INPP5F: variants seen among roughly 807,000 people sequenced by gnomAD.
INPP5F encodes the protein inositol polyphosphate-5-phosphatase F, also known as phosphatidylinositide 4-phosphatase SAC2.
In INPP5F, 97 loss-of-function variants were observed where a neutral mutation model predicts 137.2. That is an observed-to-expected ratio of 0.71 (90% CI 0.60 to 0.84). The LOEUF (loss-of-function observed/expected upper bound fraction) is 0.84. Among genes scored for constraint, INPP5F ranks in the 40% least tolerant of loss-of-function variants. The pLI, the probability that INPP5F is intolerant of heterozygous loss-of-function variation, is 0.00. For missense variants in INPP5F, 1,271 were observed against 1,371.9 expected, an observed-to-expected ratio of 0.93 and a Z score of 1.16; for synonymous variants, 504 against 476.9, an observed-to-expected ratio of 1.06 and a Z score of -0.74.
At chr10:119,778,549 G>C (rs190392103) in intron 2 of INPP5F, among the ~76,000 whole-genome samples, 1 of 152,010 alleles carries the variant, frequency 6.6e-6, no homozygotes, top group African/African-American at 2.4e-5. Context: ...CTGGGTGTTT[G>C]CTTCTTTCTG....
intron 18 of INPP5F, among the ~76,000 whole-genome samples, 163 bp from the exon 19 acceptor site, chr10:119,823,652 G>A (rs76218779): frequency 1.3e-5 from 2 of 152,306 alleles, no homozygotes; most frequent in East Asian, 3.9e-4. Context: ...GAATTAAGTG[G>A]GGGAGACTAG....
intron 2 of INPP5F, among the ~76,000 whole-genome samples, chr10:119,772,935 A>G (rs1037923152): frequency 6.6e-6 from 1 of 151,866 alleles, no homozygotes; most frequent in Non-Finnish European, 1.5e-5. Context: ...TTTTTAATAG[A>G]GATGGGGTTT....
chr10:119,755,471 G>A (rs1407964433), intron 2 of INPP5F, among the ~76,000 whole-genome samples: 2 of 152,100 alleles, frequency 1.3e-5, no homozygotes, highest in Non-Finnish European at 1.5e-5. Flanking sequence ...TACCCCCTTC[G>A]AAGACCCTGT....
intron 2 of INPP5F, among the ~76,000 whole-genome samples, chr10:119,774,261 C>CAAAAA (rs572329987): frequency 1.2e-5 from 1 of 82,136 alleles, no homozygotes; most frequent in Non-Finnish European, 2.4e-5. Flanking sequence ...ACTCAGTCTC[C>CAAAAA]AAAAAAAAAA....
intron 2 of INPP5F, among the ~76,000 whole-genome samples, chr10:119,753,588 GTCC>G (rs1400147633): frequency 6.6e-6 from 1 of 152,080 alleles, no homozygotes; most frequent in Non-Finnish European, 1.5e-5. Flanking sequence ...CCTGTCTTGA[GTCC>G]TCCTCTCTCT....
chr10:119,793,274 T>C (rs1165852816), intron 6 of INPP5F, among the ~76,000 whole-genome samples: 2 of 152,230 alleles, frequency 1.3e-5, no homozygotes, highest in Non-Finnish European at 2.9e-5. Context: ...TCAAGAGTTT[T>C]GCATTTATTG....
Position 119,791,657 on chromosome 10 carries a change from A to G in INPP5F, c.444+12A>G. ...CTAATAAAAAGAAAGTAAGAGTTTAATTGATATAGGCTTTGAATTCACCTT... is the reference window on the plus strand; with the variant it reads ...CTAATAAAAAGAAAGTAAGAGTTTAGTTGATATAGGCTTTGAATTCACCTT... On this transcript the variant is annotated intron_variant, in intron 4 of 19. Coordinates refer to ENST00000650623, the MANE Select transcript of INPP5F (RefSeq NM_014937.4). 6.3e-7 allele frequency: 1 copy of G among 1,590,490 alleles called. No individual in the cohort carries two copies.
intron 1 of INPP5F, among the ~76,000 whole-genome samples, chr10:119,731,437 A>C (rs1479814641): frequency 6.6e-6 from 1 of 152,020 alleles, no homozygotes; most frequent in Admixed American, 6.6e-5. Context: ...GCCGAGGTGG[A>C]TGGATCACTT....
At chr10:119,750,015 C>T (rs534864517) in intron 1 of INPP5F, among the ~76,000 whole-genome samples, 106 of 152,242 alleles carry the variant, frequency 7.0e-4, no homozygotes, top group African/African-American at 2.4e-3. Flanking sequence ...GCGATCTACC[C>T]TCCCCAGCCT....
intron 2 of INPP5F, among the ~76,000 whole-genome samples, chr10:119,771,595 A>G (rs969101420): frequency 2.0e-5 from 3 of 151,960 alleles, no homozygotes; most frequent in Middle Eastern, 3.4e-3. Context: ...AACAAATACA[A>G]TTATTATGCT....
chr10:119,753,775 G>A lies in INPP5F; in HGVS notation c.178+2619G>A, dbSNP rs770972021. Among the ~76,000 whole-genome samples, 15 of 152,294 alleles carry A rather than the reference G, an allele frequency of 9.8e-5. No homozygotes were observed. The East Asian group carries it at 2.7e-3, about 27-fold the overall frequency. ...AGATTATTGTACCTGCAAGTGCTTAGTAAATTGTAAATCACTATTTTATCA... is the reference window on the plus strand; with the variant it reads ...AGATTATTGTACCTGCAAGTGCTTAATAAATTGTAAATCACTATTTTATCA... On this transcript the variant is annotated intron_variant, in intron 2 of 19. Transcript: ENST00000650623.
At chr10:119,783,375 C>T (rs1044425430) in intron 3 of INPP5F, among the ~76,000 whole-genome samples, 2 of 152,198 alleles carry the variant, frequency 1.3e-5, no homozygotes, top group African/African-American at 4.8e-5. Flanking sequence ...AGACTGGGGT[C>T]TCTGGCAGTT....
intron 1 of INPP5F, among the ~76,000 whole-genome samples, chr10:119,749,190 T>G (rs1026963405): frequency 3.9e-5 from 6 of 152,114 alleles, no homozygotes; most frequent in Admixed American, 3.3e-4. Context: ...AAGAGGGTCT[T>G]CCCGGGTAGC....
chr10:119,771,773 C>T (rs1849342926), intron 2 of INPP5F, among the ~76,000 whole-genome samples: 1 of 138,318 alleles, frequency 7.2e-6, no homozygotes, highest in Non-Finnish European at 1.5e-5. Context: ...AGTGATCTTC[C>T]TATTTTATTT....
chr10:119,755,435 C>A (rs1024629380), intron 2 of INPP5F, among the ~76,000 whole-genome samples: 1 of 152,132 alleles, frequency 6.6e-6, no homozygotes, highest in Non-Finnish European at 1.5e-5. Context: ...TTAAGGCCCA[C>A]TCAAATAAAC....
In INPP5F at chr10:119,811,643, A is replaced by G. The variant is rs972038961; in HGVS notation, c.1688-114A>G. 3 of 781,680 alleles carry G rather than the reference A, an allele frequency of 3.8e-6. No homozygotes were observed. The Admixed American group carries it at 8.2e-5, about 21-fold the overall frequency. The allele number at this position is 781,680 out of a possible 1,614,324, so 48.4% of individuals were successfully genotyped here. ...GCCTAATCCAAGGTTACAAAGATTT[A>G]TGCTTGTGTTTTCTTCCAAGAGCTT... On this transcript the variant is annotated intron_variant, in intron 14 of 19. Transcript: ENST00000650623.
chr10:119,766,405 C>T (rs546114225), intron 2 of INPP5F, among the ~76,000 whole-genome samples: 18 of 152,224 alleles, frequency 1.2e-4, no homozygotes, highest in African/African-American at 3.1e-4. Flanking sequence ...ACTTTAAAAA[C>T]GAGATCAAGA....
intron 2 of INPP5F, among the ~76,000 whole-genome samples, chr10:119,777,154 C>A (rs979224277): frequency 1.3e-5 from 2 of 152,132 alleles, no homozygotes; most frequent in South Asian, 4.1e-4. Context: ...CTCAGCCCCC[C>A]AAAGTGCTGG....
At chr10:119,796,455 C>T (rs1167784656) in intron 6 of INPP5F, among the ~76,000 whole-genome samples, 2 of 152,170 alleles carry the variant, frequency 1.3e-5, no homozygotes, top group Non-Finnish European at 2.9e-5. Context: ...GGGTGACTCC[C>T]CTCAGTGAGT....
Sources: gnomAD v4.1 joint callset for allele counts (sites outside exome capture counted in the v4.1 genomes callset) on GRCh38, gnomAD v4.1.1 for gene constraint, MANE v1.5 for transcripts, NCBI Gene and HGNC (gene_info 2026-07-23, HGNC 2026-07-21) for gene names.